Variants in PCDHGA1 observed in about 807,000 individuals in gnomAD.
PCDHGA1 encodes protocadherin gamma subfamily A, 1.
Under a neutral mutation model 58.0 loss-of-function variants are expected in PCDHGA1, and 32 were observed. The ratio of observed to expected loss-of-function variants is 0.55; its 90% confidence interval spans 0.42 to 0.74. PCDHGA1 has a LOEUF of 0.74. Among genes scored for constraint, PCDHGA1 ranks in the 30% least tolerant of loss-of-function variants. The pLI, the probability that PCDHGA1 is intolerant of heterozygous loss-of-function variation, is 0.00. For missense variants in PCDHGA1, 1,205 were observed against 1,182.3 expected, an observed-to-expected ratio of 1.02 and a Z score of -0.28; for synonymous variants, 498 against 501.1, an observed-to-expected ratio of 0.99 and a Z score of 0.08.
chr5:141,394,189 C>G lies in PCDHGA1; in HGVS notation c.2421+61084C>G, dbSNP rs543330174. The stretch of plus-strand genomic sequence containing the variant: ...ACTTTCCCTCATGCCTCCTACTCAG[C>G]GTATATCCTAGAGAACAACCTGAGA... On this transcript the variant is annotated intron_variant, in intron 1 of 3. Coordinates refer to ENST00000517417, the MANE Select transcript of PCDHGA1 (RefSeq NM_018912.3). 4 of 1,613,892 alleles carry G rather than the reference C, an allele frequency of 2.5e-6. No homozygotes were observed. The East Asian group carries it at 6.7e-5, about 27-fold the overall frequency.
At chr5:141,388,692 G>A (rs2091455947) in intron 1 of PCDHGA1, 1 of 1,613,870 alleles carries the variant, frequency 6.2e-7, no homozygotes, top group Non-Finnish European at 8.5e-7. Flanking sequence ...CACGGACCAG[G>A]ATGAGGGTGT....
chr5:141,405,583 T>C (rs868246551), intron 1 of PCDHGA1: 1 of 588,746 alleles, frequency 1.7e-6, no homozygotes. Flanking sequence ...TAGCTGGGAC[T>C]ACAGGCCTCC....
chr5:141,454,880 T>C (rs1561957456), intron 1 of PCDHGA1, among the ~76,000 whole-genome samples: 1 of 137,862 alleles, frequency 7.3e-6, no homozygotes, highest in Non-Finnish European at 1.5e-5. Flanking sequence ...CGATCTTGGC[T>C]CACTGCTAGC....
Position 141,475,033 on chromosome 5 carries a change from A to G in PCDHGA1, c.2422-19774A>G, listed in dbSNP as rs1223709259. 2.0e-5 allele frequency among the ~76,000 whole-genome samples: 3 copies of G among 152,362 alleles called. No individual in the cohort carries two copies. In the East Asian group the frequency reaches 5.8e-4, roughly 29 times the overall value. ...TTAAGGCTCTTTATTCTGTGACTAA[A>G]GGCTTTGTATTTTCTAAAGATTTGT... is the stretch of plus-strand genomic sequence containing the variant. On this transcript the variant is annotated intron_variant, in intron 1 of 3. Transcript: ENST00000517417.
chr5:141,343,250 T>G (rs993656367), intron 1 of PCDHGA1: 9 of 931,170 alleles, frequency 9.7e-6, no homozygotes, highest in Non-Finnish European at 1.2e-5. Context: ...ATATCGAAAC[T>G]AAGTTATCAG....
At chr5:141,422,725 G>C (rs1424048338) in intron 1 of PCDHGA1, 1 of 1,606,156 alleles carries the variant, frequency 6.2e-7, no homozygotes, top group African/African-American at 1.3e-5. Flanking sequence ...TGTCCAGGGG[G>C]TGCCTCTGTC....
intron 1 of PCDHGA1, chr5:141,428,587 G>T: frequency 4.4e-6 from 1 of 226,768 alleles, no homozygotes; most frequent in Non-Finnish European, 8.9e-6. Context: ...AGTTTCTCTG[G>T]TAGCAAGCTT....
intron 1 of PCDHGA1, among the ~76,000 whole-genome samples, chr5:141,479,077 A>G (rs1393042749): frequency 6.6e-6 from 1 of 152,224 alleles, no homozygotes; most frequent in Non-Finnish European, 1.5e-5. Context: ...ATGAAATGAA[A>G]TTCCAGGCAT....
chr5:141,392,746 G>A (rs970809453), intron 1 of PCDHGA1: 4 of 1,443,856 alleles, frequency 2.8e-6, no homozygotes, highest in Non-Finnish European at 3.6e-6. Flanking sequence ...CATAGCTGCG[G>A]CAAGAAACTA....
intron 1 of PCDHGA1, chr5:141,416,087 G>A (rs1201318552): frequency 1.2e-5 from 2 of 165,800 alleles, no homozygotes; most frequent in East Asian, 3.3e-4. Flanking sequence ...TTCCCAAGGA[G>A]AAGGGCAATA....
intron 1 of PCDHGA1, among the ~76,000 whole-genome samples, chr5:141,359,329 C>G (rs1425381791): frequency 6.6e-6 from 1 of 151,874 alleles, no homozygotes; most frequent in African/African-American, 2.4e-5. Flanking sequence ...GGAATATATT[C>G]CAGAATGAGA....
intron 1 of PCDHGA1, chr5:141,403,746 C>G (rs773668506): frequency 1.2e-6 from 2 of 1,613,904 alleles, no homozygotes; most frequent in Non-Finnish European, 8.5e-7. Flanking sequence ...CTTACTGCAA[C>G]AGCCAGCGAC....
Position 141,490,975 on chromosome 5 carries a change from C to T in PCDHGA1, c.2422-3832C>T. 1 of 1,614,056 alleles carries T rather than the reference C, an allele frequency of 6.2e-7. No individual in the cohort carries two copies. Among genetic ancestry groups the T allele is most frequent in the African/African-American group, 1.3e-5 (1 of 75,070 alleles). ...CTGGGAACACTCAGCCCCCCAGCGT[C>T]TCCCTCGCTCTGCTCCTCCTGGCTC... On this transcript the variant is annotated intron_variant, in intron 1 of 3. Coordinates refer to ENST00000517417, the MANE Select transcript of PCDHGA1 (RefSeq NM_018912.3). This position sits in a 1 kb window ranked among gnomAD's most constrained non-coding sequence, Gnocchi z 5.4.
At chr5:141,509,344 T>A (rs2099876374) in intron 3 of PCDHGA1, among the ~76,000 whole-genome samples, 1 of 152,202 alleles carries the variant, frequency 6.6e-6, no homozygotes, top group Admixed American at 6.5e-5. Flanking sequence ...GGGCCTGGGC[T>A]GGCCTGGGCA....
chr5:141,385,076 A>G, intron 1 of PCDHGA1: 1 of 1,614,206 alleles, frequency 6.2e-7, no homozygotes, highest in Non-Finnish European at 8.5e-7. Context: ...CGCCTGCTGC[A>G]GGCTTCAGAA....
chr5:141,458,549 T>A (rs2098948402), intron 1 of PCDHGA1, among the ~76,000 whole-genome samples: 1 of 148,072 alleles, frequency 6.8e-6, no homozygotes, highest in African/African-American at 2.6e-5. Flanking sequence ...ATTTTGTTTG[T>A]TTGTTTTGGT....
chr5:141,443,618 G>A (rs901899343), intron 1 of PCDHGA1, among the ~76,000 whole-genome samples: 2 of 152,178 alleles, frequency 1.3e-5, no homozygotes, highest in Non-Finnish European at 2.9e-5. Context: ...TTATAATCAG[G>A]TGATTGTAAA....
At chr5:141,417,781 G>C in intron 1 of PCDHGA1, 1 of 1,473,574 alleles carries the variant, frequency 6.8e-7, no homozygotes. Flanking sequence ...CCTGTCCTGG[G>C]CCGAATGCTC....
At chr5:141,438,583 CAT>C (rs1561889590) in intron 1 of PCDHGA1, among the ~76,000 whole-genome samples, 4 of 57,610 alleles carry the variant, frequency 6.9e-5, no homozygotes, top group African/African-American at 3.6e-4. Flanking sequence ...TACATACATA[CAT>C]ACATACATAT....
Sources: gnomAD v4.1 joint callset for allele counts (sites outside exome capture counted in the v4.1 genomes callset) on GRCh38, gnomAD v4.1.1 for gene constraint, Gnocchi (gnomAD v3.1) non-coding constraint, MANE v1.5 for transcripts, NCBI Gene and HGNC (gene_info 2026-07-23, HGNC 2026-07-21) for gene names.